The following RCC1L variants were observed in gnomAD, a reference collection of about 807,000 sequenced individuals.
RCC1L encodes the protein RCC1-like G exchanging factor-like protein.
In RCC1L, 46 loss-of-function variants were observed where a neutral mutation model predicts 58.6. The ratio of observed to expected loss-of-function variants is 0.79; its 90% CI spans 0.62 to 1.00. RCC1L has a LOEUF of 1.00. Among genes scored for constraint, RCC1L ranks in the 50% least tolerant of loss-of-function variants. The pLI, the probability that RCC1L is intolerant of heterozygous loss-of-function variation, is 0.00. For missense variants in RCC1L, 636 were observed against 623.6 expected, an observed-to-expected ratio of 1.02 and a Z score of -0.21; for synonymous variants, 281 against 262.9, an observed-to-expected ratio of 1.07 and a Z score of -0.67.
chr7:75,027,703 C>A, exon 11 of RCC1L: 1 of 380,366 alleles, frequency 2.6e-6, no homozygotes, highest in Non-Finnish European at 4.9e-6. Context: ...GGGAGCTGCC[C>A]CCTGGGGACC....
chr7:75,067,629 T>C (rs1806546613), intron 2 of RCC1L, among the ~76,000 whole-genome samples: 1 of 147,046 alleles, frequency 6.8e-6, no homozygotes, highest in Non-Finnish European at 1.5e-5. Context: ...CGAGACACTG[T>C]TTTAAAAAAA....
intron 2 of RCC1L, among the ~76,000 whole-genome samples, chr7:75,067,233 G>A (rs1420511732): frequency 2.6e-5 from 4 of 151,804 alleles, no homozygotes; most frequent in South Asian, 2.1e-4. Flanking sequence ...CCCGGAAGGC[G>A]GAGGTTGCAG....
chr7:75,073,363 C>T (rs1584508855), intron 1 of RCC1L, 51 bp downstream of exon 1: 3 of 855,046 alleles, frequency 3.5e-6, no homozygotes, highest in South Asian at 2.5e-5. Flanking sequence ...CGAGGGAGGC[C>T]GGGAGCGCGG....
intron 10 of RCC1L, 73 bp from the exon 11 acceptor site, chr7:75,043,182 A>C (rs1190134832): frequency 5.0e-5 from 77 of 1,551,532 alleles, no homozygotes; most frequent in Middle Eastern, 2.0e-4. Context: ...GTGTTGGCCG[A>C]CCCGGCCCTG....
At chr7:75,060,258 C>T (rs1040708915) in intron 6 of RCC1L, among the ~76,000 whole-genome samples, 4 of 152,212 alleles carry the variant, frequency 2.6e-5, no homozygotes, top group South Asian at 2.1e-4. Flanking sequence ...GGATGCACCA[C>T]GGTTGATCCA....
At chr7:75,048,266 C>CA (rs1166086711) in intron 10 of RCC1L, among the ~76,000 whole-genome samples, 1,353 of 95,684 alleles carry the variant, frequency 0.014, 9 homozygotes, top group African/African-American at 0.031. Context: ...GACATCGCCT[C>CA]AAAAAAAAAA....
chr7:75,073,544 C>A lies in RCC1L; in HGVS notation c.194G>T (p.Gly65Val). Residue 65 changes from glycine (G) to valine (V), a missense_variant, in exon 1 of 11, where the codon GGC (glycine) becomes GTC (valine). Gly to Val is a moderately radical substitution (Grantham distance 109). Transcript: ENST00000610322. Reference sequence around the variant, plus strand: ...GCCCAGCGCCCCCGAGAAGCTGAAGCCCCACACGAAGACGCGATCGGCGCG... The same window carrying A: ...GCCCAGCGCCCCCGAGAAGCTGAAGACCCACACGAAGACGCGATCGGCGCG... ...AARADRVFVW[G>V]FSFSGALGVP... The A allele has an allele frequency of 1.3e-6, 2 of 1,502,542 alleles. No homozygotes were observed. The highest frequency in any genetic ancestry group is 1.3e-5 in the South Asian group (1 of 79,176). The allele number at this position is 1,502,542 out of a possible 1,614,324, so 93.1% of individuals were successfully genotyped here. A position where few individuals can be genotyped will look rare whatever the true frequency, so the allele number is the denominator to read the frequency against.
intron 4 of RCC1L, 127 bp downstream of exon 4, chr7:75,064,455 G>A (rs1188733986): frequency 1.0e-5 from 10 of 987,398 alleles, no homozygotes; most frequent in Non-Finnish European, 1.6e-5. Context: ...CCAGCTTTCT[G>A]CTGAGTTCTC....
chr7:75,030,562 A>G (rs1805274659), intron 10 of RCC1L, among the ~76,000 whole-genome samples: 1 of 152,064 alleles, frequency 6.6e-6, no homozygotes, highest in African/African-American at 2.4e-5. Flanking sequence ...TTAGCTAAGG[A>G]TTGGAGGATG....
downstream of RCC1L, among the ~76,000 whole-genome samples, chr7:75,041,214 A>ATAACTAAC (rs71098027): frequency 6.3e-3 from 947 of 149,870 alleles, 7 homozygotes; most frequent in East Asian, 0.034. Context: ...ACTCCATCTC[A>ATAACTAAC]TAACTAACTA....
At chr7:75,028,013 G>C in exon 11 of RCC1L, 1 of 1,534,684 alleles carries the variant, frequency 6.5e-7, no homozygotes, top group East Asian at 2.4e-5. Context: ...CCTGTTTGCC[G>C]TCCATCCCCC....
intron 8 of RCC1L, chr7:75,056,525 A>G (rs2131993078): frequency 6.6e-7 from 1 of 1,511,868 alleles, no homozygotes; most frequent in East Asian, 2.5e-5. Context: ...TTGGTTATAG[A>G]AAGTTTAATA....
chr7:75,055,344 T>G (rs916480661), intron 9 of RCC1L, among the ~76,000 whole-genome samples: 2 of 152,196 alleles, frequency 1.3e-5, no homozygotes, highest in African/African-American at 4.8e-5. Context: ...TGTGGCTTTG[T>G]AATCTGGCAG....
At chr7:75,064,696 C>T in intron 3 of RCC1L, 48 bp from the exon 4 acceptor site, 1 of 1,603,538 alleles carries the variant, frequency 6.2e-7, no homozygotes, top group Non-Finnish European at 8.5e-7. Flanking sequence ...TTTGTGGGAT[C>T]CTAGAATGTG....
At chr7:75,055,707 C>CA in intron 9 of RCC1L, 194 bp downstream of exon 9, 1 of 666,656 alleles carries the variant, frequency 1.5e-6, no homozygotes. Context: ...ATTAAAACTC[C>CA]AGGGGGGGAA....
intron 5 of RCC1L, among the ~76,000 whole-genome samples, chr7:75,062,656 T>C (rs1433321424): frequency 2.6e-5 from 4 of 152,200 alleles, no homozygotes; most frequent in African/African-American, 9.6e-5. Context: ...CATAAATATT[T>C]CAATGCACAT....
At chr7:75,045,037 G>A (rs1420792535) in intron 10 of RCC1L, among the ~76,000 whole-genome samples, 1 of 152,150 alleles carries the variant, frequency 6.6e-6, no homozygotes, top group African/African-American at 2.4e-5. Flanking sequence ...CAAAAAAGAG[G>A]CAGAGTCTCA....
At chr7:75,062,447 G>T (rs1806305439) in intron 5 of RCC1L, among the ~76,000 whole-genome samples, 1 of 152,210 alleles carries the variant, frequency 6.6e-6, no homozygotes, top group African/African-American at 2.4e-5. Context: ...GTTCAAGGCT[G>T]CAGTGAGCTA....
rs1238379405 is a variant in RCC1L at position 75,073,526 on chromosome 7, GC to G, written c.211del (p.Ala71ArgfsTer119). The G allele has an allele frequency of 2.1e-6, 3 of 1,463,336 alleles. No individual in the cohort carries two copies. Among genetic ancestry groups the G allele is most frequent in the South Asian group, 1.4e-5 (1 of 73,682 alleles). The allele number at this position is 1,463,336 out of a possible 1,614,324, so 90.6% of individuals were successfully genotyped here. ...VFVWGFSFSG[A>X]LGVPSFVVPS... ...CACCACAAAGGAAGGCACGCCCAGC[GC>G]CCCCGAGAAGCTGAAGCCCCACACG... On this transcript the variant is annotated frameshift_variant, in exon 1 of 11. Transcript: ENST00000610322. LOFTEE classifies it high-confidence loss of function.
Sources: allele counts gnomAD v4.1 joint callset (sites outside exome capture counted in the v4.1 genomes callset), GRCh38; gene constraint gnomAD v4.1.1; transcripts MANE v1.5; gene names NCBI Gene and HGNC (gene_info 2026-07-23, HGNC 2026-07-21).